MITF: variants seen among roughly 807,000 people sequenced by gnomAD.
The protein encoded by MITF is microphthalmia-associated transcription factor.
A neutral mutation model predicts 60.5 loss-of-function variants in MITF; 17 were observed. That is an observed-to-expected ratio of 0.28 (90% confidence interval 0.19 to 0.42). The LOEUF is 0.42. Ranked by LOEUF, MITF falls within the 10% of genes least tolerant of loss-of-function variation. The probability of loss-of-function intolerance (pLI) is 1.00; values close to 1 mark genes in which losing one functional copy is unlikely to be tolerated. For synonymous variants in MITF, 260 were observed against 248.5 expected (o/e 1.05, Z -0.43); for missense variants, 622 against 683.5 (o/e 0.91, Z 1.00).
At chr3:69,945,654 T>C (rs72950062) in intron 5 of MITF, among the ~76,000 whole-genome samples, 3,640 of 152,284 alleles carry the variant, frequency 0.024, 132 homozygotes, top group African/African-American at 0.082. Flanking sequence ...CACCACCATT[T>C]AGGACACAGT....
intron 1 of MITF, among the ~76,000 whole-genome samples, chr3:69,781,706 C>T (rs978571036): frequency 2.0e-5 from 3 of 152,160 alleles, no homozygotes; most frequent in African/African-American, 7.2e-5. Context: ...GGTGAAAGCT[C>T]TATGTTTAAC....
At chr3:69,801,342 C>T (rs1050243854) in intron 1 of MITF, among the ~76,000 whole-genome samples, 5 of 152,102 alleles carry the variant, frequency 3.3e-5, no homozygotes, top group East Asian at 1.9e-4. Context: ...TGAAGTTCAG[C>T]GGTCTTAAAT....
chr3:69,891,411 A>C (rs1274951340), intron 2 of MITF, among the ~76,000 whole-genome samples: 1 of 152,154 alleles, frequency 6.6e-6, no homozygotes, highest in East Asian at 1.9e-4. Flanking sequence ...GCATTGTGTA[A>C]CTCAGGGGTT....
intron 1 of MITF, among the ~76,000 whole-genome samples, chr3:69,861,295 A>G (rs1309047198): frequency 1.3e-5 from 2 of 152,130 alleles, no homozygotes; most frequent in African/African-American, 4.8e-5. Flanking sequence ...TATCCAGCAA[A>G]TATTTAAATA....
chr3:69,817,518 G>A (rs2107028215), intron 1 of MITF, among the ~76,000 whole-genome samples: 1 of 151,892 alleles, frequency 6.6e-6, no homozygotes, highest in South Asian at 2.1e-4. Flanking sequence ...TGTGTGTGGT[G>A]TGTGTGTGTG....
At chr3:69,822,093 A>G (rs1333024225) in intron 1 of MITF, among the ~76,000 whole-genome samples, 4 of 152,128 alleles carry the variant, frequency 2.6e-5, no homozygotes, top group Non-Finnish European at 5.9e-5. Flanking sequence ...TTTTGCTCTT[A>G]TCTTCTGAGT....
intron 2 of MITF, among the ~76,000 whole-genome samples, chr3:69,913,593 A>G (rs1188203514): frequency 2.0e-5 from 3 of 152,246 alleles, no homozygotes; most frequent in Non-Finnish European, 2.9e-5. Context: ...GTGCCTGATC[A>G]TCACACATAG....
In MITF at chr3:69,964,834, A is replaced by G; in HGVS notation, c.1180-13A>G. 6.2e-7 allele frequency: 1 copy of G among 1,613,332 alleles called. No homozygotes were observed. The highest frequency in any genetic ancestry group is 1.1e-5 in the South Asian group (1 of 91,050). On this transcript the variant is annotated splice_polypyrimidine_tract_variant and intron_variant, in intron 9 of 9. Coordinates refer to ENST00000352241, the MANE Select transcript of MITF (RefSeq NM_001354604.2). ...CTGCCTATTTCAGTGTTTTATCTTT[A>G]CTCTTATTATAGGAACTTGAAATGC...
intron 5 of MITF, among the ~76,000 whole-genome samples, chr3:69,943,034 C>A (rs2066005173): frequency 6.8e-6 from 1 of 147,630 alleles, no homozygotes; most frequent in Non-Finnish European, 1.5e-5. Context: ...CCTTTGATAT[C>A]ATTTGGTCTA....
intron 1 of MITF, among the ~76,000 whole-genome samples, chr3:69,800,443 GTATTTACC>G (rs1223700312): frequency 6.6e-6 from 1 of 152,074 alleles, no homozygotes; most frequent in African/African-American, 2.4e-5. Flanking sequence ...GTTCTCTTGA[GTATTTACC>G]TAAGAGCGGA....
At chr3:69,784,302 G>A (rs946982031) in intron 1 of MITF, among the ~76,000 whole-genome samples, 3 of 152,078 alleles carry the variant, frequency 2.0e-5, no homozygotes, top group Admixed American at 6.5e-5. Context: ...TGTAATCAAT[G>A]CTTTTCAGAA....
chr3:69,857,495 T>G (rs970528222), intron 1 of MITF, among the ~76,000 whole-genome samples: 1 of 152,052 alleles, frequency 6.6e-6, no homozygotes, highest in Non-Finnish European at 1.5e-5. Flanking sequence ...TTCCTCTTTT[T>G]TCACATAAGG....
chr3:69,838,479 C>A (rs910910413), intron 1 of MITF: 1 of 152,488 alleles, frequency 6.6e-6, no homozygotes, highest in African/African-American at 2.4e-5. Context: ...TGCAGAAGTT[C>A]TTTAATAAAA....
intron 3 of MITF, chr3:69,938,513 T>C: frequency 6.9e-7 from 1 of 1,452,234 alleles, no homozygotes; most frequent in Non-Finnish European, 9.1e-7. Flanking sequence ...AAGAATGGAA[T>C]ATGCATGGAT....
intron 2 of MITF, among the ~76,000 whole-genome samples, chr3:69,927,766 T>C (rs2065627067): frequency 6.6e-6 from 1 of 152,162 alleles, no homozygotes; most frequent in Non-Finnish European, 1.5e-5. Flanking sequence ...CTAATGGGTA[T>C]AGATTAGGGA....
chr3:69,866,394 A>G, intron 1 of MITF: 2 of 1,608,234 alleles, frequency 1.2e-6, no homozygotes, highest in Non-Finnish European at 1.7e-6. Flanking sequence ...ACTTAAGAGG[A>G]GCAGTTTTTT....
At chr3:69,859,806 A>G (rs1419992705) in intron 1 of MITF, among the ~76,000 whole-genome samples, 2 of 152,162 alleles carry the variant, frequency 1.3e-5, no homozygotes, top group African/African-American at 4.8e-5. Flanking sequence ...AGTAAAATAT[A>G]TGTCCACATT....
chr3:69,847,852 A>T (rs886287062), intron 1 of MITF, among the ~76,000 whole-genome samples: 1 of 152,202 alleles, frequency 6.6e-6, no homozygotes. Context: ...CATAACAGGA[A>T]TTCTTATTTT....
intron 2 of MITF, among the ~76,000 whole-genome samples, chr3:69,885,292 C>T (rs922503848): frequency 6.6e-6 from 1 of 152,180 alleles, no homozygotes; most frequent in South Asian, 2.1e-4. Flanking sequence ...CTGTTTGGCT[C>T]CTCCTCGTTT....
Sources: allele counts gnomAD v4.1 joint callset (sites outside exome capture counted in the v4.1 genomes callset), GRCh38; gene constraint gnomAD v4.1.1; transcripts MANE v1.5; gene names NCBI Gene and HGNC (gene_info 2026-07-23, HGNC 2026-07-21).